Variants in HAUS8 observed in about 807,000 individuals in gnomAD.
HAUS8 encodes the protein HAUS augmin-like complex subunit 8.
HAUS8 carries 38 observed loss-of-function variants against 42.9 expected under a neutral mutation model. That is an observed-to-expected ratio of 0.89 (90% CI 0.68 to 1.16). The LOEUF is 1.16. Among genes scored for constraint, HAUS8 ranks in the 50% most tolerant of loss-of-function variants. The pLI, the probability that HAUS8 is intolerant of heterozygous loss-of-function variation, is 0.00. For synonymous variants in HAUS8, 199 were observed against 205.8 expected, an observed-to-expected ratio of 0.97 and a Z score of 0.28; for missense variants, 494 against 511.6, an observed-to-expected ratio of 0.97 and a Z score of 0.33.
At chr19:17,058,525 C>A in intron 8 of HAUS8, 24 bp downstream of exon 8, 1 of 1,566,306 alleles carries the variant, frequency 6.4e-7, no homozygotes, top group Non-Finnish European at 8.6e-7. Flanking sequence ...ACTCACTGGT[C>A]ACAGAGTGTC....
chr19:17,060,327 G>A, intron 4 of HAUS8: 1 of 463,602 alleles, frequency 2.2e-6, no homozygotes, highest in East Asian at 3.4e-5. Flanking sequence ...TATAACCAAA[G>A]AGACGCAAAT....
At chr19:17,055,136 AAAAAAAAATATATATATATATATATATAT>A (rs2057313796) in intron 9 of HAUS8, 2 of 32,820 alleles carry the variant, frequency 6.1e-5, no homozygotes, top group African/African-American at 2.5e-4. Context: ...AAAAAAAAAA[AAAAAAAAATATATATATATATATATATAT>A]ATATATATAT....
chr19:17,058,582 C>A lies in HAUS8; in HGVS notation c.612G>T (p.Arg204Ser). 1 of 1,609,458 alleles carries A rather than the reference C, an allele frequency of 6.2e-7. No individual in the cohort carries two copies. The highest frequency in any genetic ancestry group is 8.5e-7 in the Non-Finnish European group (1 of 1,178,402). Residue 204 changes from arginine to serine, a missense_variant, in exon 8 of 11, where the codon AGG (arginine) becomes AGT (serine). Physicochemically the swap from Arg to Ser is moderately radical, Grantham distance 110. Transcript: ENST00000253669. ...ELKRRLLLSQRKRELADVLDA... is the reference protein window; with the variant it reads ...ELKRRLLLSQSKRELADVLDA... Reference sequence around the variant, plus strand: ...CCAGGACATCTGCCAGCTCCCGCTTCCTCTGAGAGAGGAGAAGCCTGCGCT... The same window carrying A: ...CCAGGACATCTGCCAGCTCCCGCTTACTCTGAGAGAGGAGAAGCCTGCGCT...
At chr19:17,073,533 A>G in intron 1 of HAUS8, 198 bp from the exon 2 acceptor site, 2 of 609,368 alleles carry the variant, frequency 3.3e-6, no homozygotes, top group Non-Finnish European at 3.0e-6. Flanking sequence ...GCAAGAAGGC[A>G]TAGGTGAACA....
intron 2 of HAUS8, among the ~76,000 whole-genome samples, chr19:17,073,039 C>T (rs2057438010): frequency 6.6e-6 from 1 of 151,670 alleles, no homozygotes; most frequent in Admixed American, 6.6e-5. Flanking sequence ...ATGTCCCGGA[C>T]ACAGCCCATG....
At position 17,052,929 on chromosome 19, in the gene HAUS8, G is replaced by A; in HGVS notation, c.825C>T (p.Leu275=). 4 of 1,614,190 alleles carry A rather than the reference G, an allele frequency of 2.5e-6. No homozygotes were observed. The highest frequency in any genetic ancestry group is 3.4e-6 in the Non-Finnish European group (4 of 1,180,038). The stretch of plus-strand genomic sequence containing the variant: ...AATCACCAACATCAAGTTCTCCCAG[G>A]AGGCGCTGAGTGGTCACCAGTTCAT... ...LQHELVTTQR[L]LGELDVGDSE... The change falls in exon 10 of 11, where the codon CTC becomes CTT. Residue 275 remains leucine (L), a synonymous_variant. Coordinates refer to ENST00000253669, the MANE Select transcript of HAUS8 (RefSeq NM_033417.2).
intron 4 of HAUS8, 41 bp from the exon 5 acceptor site, chr19:17,060,133 G>GCTGT (rs756572801): frequency 1.5e-6 from 2 of 1,370,856 alleles, no homozygotes; most frequent in Non-Finnish European, 2.1e-6. Flanking sequence ...ACAGTCAAGA[G>GCTGT]ACACTCTCCA....
At chr19:17,061,295 T>C (rs950022144) in intron 4 of HAUS8, among the ~76,000 whole-genome samples, 5 of 152,104 alleles carry the variant, frequency 3.3e-5, no homozygotes, top group African/African-American at 4.8e-5. Context: ...CATGCCCAGA[T>C]AATTTTTTAT....
At chr19:17,053,016 A>C in intron 9 of HAUS8, 50 bp from the exon 10 acceptor site, 1 of 1,611,874 alleles carries the variant, frequency 6.2e-7, no homozygotes, top group Non-Finnish European at 8.5e-7. Flanking sequence ...TGCCCCACGC[A>C]AGGCACACAC....
intron 3 of HAUS8, among the ~76,000 whole-genome samples, chr19:17,066,565 T>G (rs550697008): frequency 9.8e-5 from 15 of 152,336 alleles, no homozygotes; most frequent in African/African-American, 3.1e-4. Flanking sequence ...TCTTGGAGAC[T>G]GAGCCCTCAC....
At position 17,056,113 on chromosome 19, in the gene HAUS8, C is replaced by A. The variant is rs1244752733; in HGVS notation, c.646-111G>T. 8 of 1,022,766 alleles carry A rather than the reference C, an allele frequency of 7.8e-6. No homozygotes were observed. The Admixed American group carries it at 1.6e-4, about 20-fold the overall frequency. The allele number at this position is 1,022,766 out of a possible 1,614,324, so 63.4% of individuals were successfully genotyped here. On this transcript the variant is annotated intron_variant, in intron 8 of 10. Coordinates refer to ENST00000253669, the MANE Select transcript of HAUS8 (RefSeq NM_033417.2). ...AGATACAGCGCTGTTCTTCACCACC[C>A]CCCAGGGAATCAGAGCTCAGGAAGT...
At chr19:17,053,664 C>CTT (rs34414452) in intron 9 of HAUS8, 10 of 135,882 alleles carry the variant, frequency 7.4e-5, no homozygotes, top group Non-Finnish European at 9.5e-5. Flanking sequence ...TTCTTTTTTT[C>CTT]TTTTTTTTTT....
rs750327165 is a variant in HAUS8, at chr19:17,062,784, T to A, written c.148-5A>T. On this transcript the variant is annotated splice_polypyrimidine_tract_variant and splice_region_variant and intron_variant, in intron 3 of 10. Transcript: ENST00000253669. ...TGACCCATCTCCTGCAGGAGCCTGT[T>A]ATGGGAACACATGACACTCAGAGGA... The A allele has an allele frequency of 1.1e-5, 17 of 1,606,790 alleles. No individual in the cohort carries two copies. In the South Asian group the frequency reaches 1.8e-4, roughly 17 times the overall value.
At position 17,050,115 on chromosome 19, in the gene HAUS8, G is replaced by C. The variant is rs762500112; in HGVS notation, c.991C>G (p.Gln331Glu). Residue 331 changes from glutamine (Q) to glutamate (E), a missense_variant, in exon 11 of 11, where the codon CAG becomes GAG. Gln to Glu is a conservative substitution (Grantham distance 29). Transcript: ENST00000253669. Reference sequence around the variant, plus strand: ...CCCTGGGTCTCTTCCCAGACTTCCTGGTTTGCCAAGGCTGCCTCTTTGCTT... The same window carrying C: ...CCCTGGGTCTCTTCCCAGACTTCCTCGTTTGCCAAGGCTGCCTCTTTGCTT... The part of the protein sequence containing the change: ...EASKEAALAN[Q>E]EVWEETQGMA... 2 of 1,574,366 alleles carry C rather than the reference G, an allele frequency of 1.3e-6. No individual in the cohort carries two copies. The highest frequency in any genetic ancestry group is 3.7e-5 in the Admixed American group (2 of 54,284).
intron 3 of HAUS8, among the ~76,000 whole-genome samples, chr19:17,068,305 G>A (rs1234528457): frequency 6.6e-6 from 1 of 151,678 alleles, no homozygotes; most frequent in Non-Finnish European, 1.5e-5. Flanking sequence ...GTTGAGACGG[G>A]GTTTCGCCAT....
chr19:17,073,663 A>G (rs184547645), intron 1 of HAUS8: 73 of 306,798 alleles, frequency 2.4e-4, no homozygotes, highest in Admixed American at 1.6e-3. Flanking sequence ...ATTCCAGTAG[A>G]GACACAGTGG....
At chr19:17,069,283 T>C (rs1033691546) in intron 2 of HAUS8, among the ~76,000 whole-genome samples, 197 bp from the exon 3 acceptor site, 4 of 151,994 alleles carry the variant, frequency 2.6e-5, no homozygotes, top group South Asian at 4.2e-4. Flanking sequence ...ACGCCTACTG[T>C]ATGCAAGTCC....
At chr19:17,051,438 C>A (rs114571690) in intron 10 of HAUS8, among the ~76,000 whole-genome samples, 1 of 151,810 alleles carries the variant, frequency 6.6e-6, no homozygotes, top group African/African-American at 2.4e-5. Context: ...GGTCTGGACG[C>A]ACAAGGATAT....
At chr19:17,055,155 T>C (rs4030878) in intron 9 of HAUS8, 4 of 10,760 alleles carry the variant, frequency 3.7e-4, no homozygotes, top group Non-Finnish European at 5.8e-4. Flanking sequence ...TATATATATA[T>C]ATATATATAT....
Sources: allele counts gnomAD v4.1 joint callset (sites outside exome capture counted in the v4.1 genomes callset), GRCh38; gene constraint gnomAD v4.1.1; transcripts MANE v1.5; gene names NCBI Gene and HGNC (gene_info 2026-07-23, HGNC 2026-07-21).